Variants in NCOA6 observed in about 807,000 individuals in gnomAD.
NCOA6 encodes the protein NRC RAP250.
A neutral mutation model predicts 171.4 loss-of-function variants in NCOA6; 49 were observed. The observed-to-expected ratio is 0.29, with a 90% CI of 0.23 to 0.36. The LOEUF (loss-of-function observed/expected upper bound fraction) is 0.36, where lower values mean the gene tolerates loss of function less well. Among genes scored for constraint, NCOA6 ranks in the 10% least tolerant of loss-of-function variants. The pLI, the probability that NCOA6 is intolerant of heterozygous loss-of-function variation, is 1.00. For synonymous variants in NCOA6, 910 were observed against 927.5 expected (o/e 0.98, Z 0.34); for missense variants, 2,248 against 2,554.5 (o/e 0.88, Z 2.59).
chr20:34,723,957 A>G (rs889576343), intron 14 of NCOA6, among the ~76,000 whole-genome samples: 3 of 152,218 alleles, frequency 2.0e-5, no homozygotes. Context: ...CATATTCTAT[A>G]GCCTAGAAGA....
intron 10 of NCOA6, among the ~76,000 whole-genome samples, chr20:34,744,127 T>A (rs1022432853): frequency 2.0e-5 from 3 of 152,226 alleles, no homozygotes; most frequent in African/African-American, 7.2e-5. Context: ...CTTACTTTCT[T>A]ACATGCAAAT....
chr20:34,768,710 G>A, intron 4 of NCOA6, 124 bp from the exon 5 acceptor site: 1 of 1,068,230 alleles, frequency 9.4e-7, no homozygotes, highest in South Asian at 1.6e-5. Context: ...TTTACCACCA[G>A]AAAAATGGTG....
Position 34,742,396 on chromosome 20 carries a change from G to A in NCOA6, c.3860C>T (p.Pro1287Leu). ...GGAAGGATTCATGGTAAGATTTGAAGGTGCTTGCCCGATGGCCTTCAAAGT... is the reference window on the plus strand; with the variant it reads ...GGAAGGATTCATGGTAAGATTTGAAAGTGCTTGCCCGATGGCCTTCAAAGT... ...PTTLKAIGQAPSNLTMNPSNF... is the reference protein window; with the variant it reads ...PTTLKAIGQALSNLTMNPSNF... The change falls in exon 11 of 15, where the codon CCT becomes CTT. Residue 1287 changes from proline to leucine, a missense_variant. Physicochemically the swap from Pro to Leu is moderately conservative, Grantham distance 98. Around this residue, in one of 7 missense-constraint regions of NCOA6, gnomAD observed 884 missense variants for 941.9 expected, o/e 0.94. Transcript: ENST00000359003. 6.2e-7 allele frequency: 1 copy of A among 1,614,214 alleles called. No individual in the cohort carries two copies. The highest frequency in any genetic ancestry group is 1.6e-4 in the Middle Eastern group (1 of 6,062).
At chr20:34,775,680 AAAAAAAAAAAAAG>A (rs1457571464) in intron 4 of NCOA6, among the ~76,000 whole-genome samples, 139 of 42,572 alleles carry the variant, frequency 3.3e-3, no homozygotes, top group Admixed American at 0.032. Context: ...CTCAAAAAAA[AAAAAAAAAAAAAG>A]AAAAAAAAAA....
chr20:34,730,252 T>A (rs1183284108), intron 13 of NCOA6, among the ~76,000 whole-genome samples: 8 of 151,610 alleles, frequency 5.3e-5, no homozygotes, highest in Non-Finnish European at 1.2e-4. Flanking sequence ...ATTAATTTTT[T>A]ATTTTTTATT....
chr20:34,788,090 C>T (rs1049019733), intron 2 of NCOA6, among the ~76,000 whole-genome samples: 1 of 152,140 alleles, frequency 6.6e-6, no homozygotes, highest in African/African-American at 2.4e-5. Context: ...TGGTCTCGAA[C>T]TCCTGAGCTC....
chr20:34,795,725 G>A (rs1439632488), intron 1 of NCOA6, among the ~76,000 whole-genome samples: 1 of 152,174 alleles, frequency 6.6e-6, no homozygotes, highest in Non-Finnish European at 1.5e-5. Context: ...AATTTTTTAG[G>A]CAGCTGGGGG....
intron 9 of NCOA6, among the ~76,000 whole-genome samples, chr20:34,748,828 T>G (rs1475478573): frequency 1.3e-5 from 2 of 152,216 alleles, no homozygotes; most frequent in East Asian, 1.9e-4. Flanking sequence ...CATTTCTATT[T>G]GAGAGACAGC....
intron 2 of NCOA6, among the ~76,000 whole-genome samples, chr20:34,787,916 G>C (rs1034762750): frequency 2.0e-5 from 3 of 151,584 alleles, no homozygotes; most frequent in African/African-American, 2.4e-5. Context: ...ACCTAGGCTG[G>C]AGTGCAGTGG....
intron 14 of NCOA6, among the ~76,000 whole-genome samples, chr20:34,716,009 G>A (rs1457457323): frequency 6.6e-6 from 1 of 151,990 alleles, no homozygotes; most frequent in East Asian, 1.9e-4. Context: ...CTGAGGTGAG[G>A]AGTTTGAGAC....
chr20:34,776,325 C>A lies in NCOA6; in HGVS notation c.359G>T (p.Arg120Leu). 6.2e-7 allele frequency: 1 copy of A among 1,613,912 alleles called. No individual in the cohort carries two copies. Among genetic ancestry groups the A allele is most frequent in the Non-Finnish European group, 8.5e-7 (1 of 1,180,004 alleles). The change falls in exon 4 of 15, where the codon CGG becomes CTG. Residue 120 changes from arginine (R) to leucine (L), a missense_variant. By Grantham distance (102) the Arg-to-Leu change is moderately radical (BLOSUM62 -2). Transcript: ENST00000359003. The stretch of plus-strand genomic sequence containing the variant: ...CTGAACGGAGAGAATCCCTAAATCC[C>A]GAAGCTGCTGGTTGTTGCTCTGAGC... ...ILAQSNNQQL[R>L]DLGILSVQIE...
chr20:34,749,149 C>A (rs1203069022), intron 9 of NCOA6, among the ~76,000 whole-genome samples: 1 of 152,086 alleles, frequency 6.6e-6, no homozygotes, highest in Non-Finnish European at 1.5e-5. Flanking sequence ...ATTGTGCGGG[C>A]ATATTAAAAA....
chr20:34,750,250 T>A lies in NCOA6; in HGVS notation c.1945A>T (p.Ile649Phe), dbSNP rs751351647. ...GGCATAAGCTGGGCCCTTGAAAGGA[T>A]CATAGGGTTCTGAGGGTTCAAGGTT... ...QGTLNPQNPM[I>F]LSRAQLMPQG... The change falls in exon 9 of 15, where the codon ATC becomes TTC. Residue 649 changes from isoleucine to phenylalanine, a missense_variant. Physicochemically the swap from Ile to Phe is conservative, Grantham distance 21 (BLOSUM62 0). Around this residue, in one of 7 missense-constraint regions of NCOA6, gnomAD observed 987 missense variants for 1,104.7 expected, o/e 0.89. Coordinates refer to ENST00000359003, the MANE Select transcript of NCOA6 (RefSeq NM_014071.5). 8.1e-6 allele frequency: 13 copies of A among 1,611,122 alleles called. No homozygotes were observed. The highest frequency in any genetic ancestry group is 1.7e-5 in the Admixed American group (1 of 59,766).
intron 5 of NCOA6, among the ~76,000 whole-genome samples, chr20:34,766,857 T>G (rs1227262328): frequency 1.3e-5 from 2 of 152,224 alleles, no homozygotes; most frequent in Non-Finnish European, 2.9e-5. Flanking sequence ...CTAACTTGGC[T>G]AGGCTTTTCC....
rs368044857 is a variant in NCOA6 at position 34,746,896 on chromosome 20, T to G, written c.2825A>C (p.Glu942Ala). Residue 942 changes from glutamate (E) to alanine (A), a missense_variant, in exon 10 of 15, where the codon GAG becomes GCG. Coordinates refer to ENST00000359003, the MANE Select transcript of NCOA6 (RefSeq NM_014071.5). ...TCCAGGCAACGGTGGCTGATCAGCC[T>G]CTTCCAGACCAGCTGGGCGAGTATC... Reference protein sequence around the residue: ...TPDTRPAGLEEADQPPLPGEQ... With the variant: ...TPDTRPAGLEAADQPPLPGEQ... The G allele has an allele frequency of 1.2e-5, 19 of 1,585,016 alleles. No homozygotes were observed. The highest frequency in any genetic ancestry group is 1.5e-5 in the Non-Finnish European group (18 of 1,165,272).
intron 1 of NCOA6, among the ~76,000 whole-genome samples, chr20:34,795,469 A>G (rs1260259734): frequency 6.6e-6 from 1 of 152,230 alleles, no homozygotes; most frequent in African/African-American, 2.4e-5. Context: ...CTTCAACGTA[A>G]TTTCTCCTTC....
intron 1 of NCOA6, among the ~76,000 whole-genome samples, chr20:34,817,688 T>C (rs1477706308): frequency 6.6e-6 from 1 of 152,000 alleles, no homozygotes; most frequent in African/African-American, 2.4e-5. Flanking sequence ...GACATCAAAA[T>C]AGGCAGACAC....
chr20:34,813,441 G>A lies in NCOA6; in HGVS notation c.-164+12031C>T, dbSNP rs938335840. On this transcript the variant is annotated intron_variant, in intron 1 of 14. Transcript: ENST00000359003. Reference sequence around the variant, plus strand: ...AGACTGCACCACTGTATTCCAGTCTGGGCAACAGAGTGAAACTCTGTCTTA... The same window carrying A: ...AGACTGCACCACTGTATTCCAGTCTAGGCAACAGAGTGAAACTCTGTCTTA... Among the ~76,000 whole-genome samples, 10 of 151,170 alleles carry A rather than the reference G, an allele frequency of 6.6e-5. No homozygotes were observed. The East Asian group carries it at 1.9e-3, about 29-fold the overall frequency.
intron 13 of NCOA6, among the ~76,000 whole-genome samples, chr20:34,731,859 A>C (rs1258759544): frequency 2.0e-5 from 3 of 152,160 alleles, no homozygotes; most frequent in African/African-American, 7.2e-5. Context: ...CGTCTCTACT[A>C]AAAATACAAA....
Sources: gnomAD v4.1 joint callset for allele counts (sites outside exome capture counted in the v4.1 genomes callset) on GRCh38, gnomAD v4.1.1 for gene constraint, gnomAD v4.1.1 regional missense constraint, MANE v1.5 for transcripts, NCBI Gene and HGNC (gene_info 2026-07-23, HGNC 2026-07-21) for gene names.